RBMS3: variants seen among roughly 807,000 people sequenced by gnomAD.
The protein encoded by RBMS3 is RNA-binding motif, single-stranded-interacting protein 3.
In RBMS3, 27 loss-of-function variants were observed where a neutral mutation model predicts 66.8. That is an observed-to-expected ratio of 0.40 (90% CI 0.30 to 0.56). RBMS3 has a LOEUF of 0.56. Ranked by LOEUF, RBMS3 falls within the 20% of genes least tolerant of loss-of-function variation. RBMS3 has a pLI of 0.40. For missense variants in RBMS3, 513 were observed against 549.5 expected (o/e 0.93, Z 0.66); for synonymous variants, 188 against 183.0 (o/e 1.03, Z -0.22).
intron 1 of RBMS3, among the ~76,000 whole-genome samples, chr3:29,320,522 A>G (rs1313758628): frequency 6.6e-6 from 1 of 152,078 alleles, no homozygotes; most frequent in Non-Finnish European, 1.5e-5. Flanking sequence ...AAAATTTACA[A>G]ACATGACATA....
intron 12 of RBMS3, among the ~76,000 whole-genome samples, chr3:29,954,876 TA>T (rs1293091368): frequency 1.3e-5 from 2 of 152,148 alleles, no homozygotes; most frequent in East Asian, 3.9e-4. Flanking sequence ...GATTAACATT[TA>T]AAAAATTTTA....
intron 4 of RBMS3, among the ~76,000 whole-genome samples, chr3:29,686,010 G>A (rs926119645): frequency 6.6e-6 from 1 of 152,126 alleles, no homozygotes; most frequent in Non-Finnish European, 1.5e-5. Context: ...TTCCCTCTCT[G>A]GATCTTCATT....
At chr3:29,825,275 T>C (rs1027405553) in intron 6 of RBMS3, among the ~76,000 whole-genome samples, 1 of 151,974 alleles carries the variant, frequency 6.6e-6, no homozygotes, top group Non-Finnish European at 1.5e-5. Context: ...GACCTCAGGT[T>C]ATCCACCTGC....
At position 29,652,912 on chromosome 3, in the gene RBMS3, A is replaced by G. The variant is rs567331893; in HGVS notation, c.399+65707A>G. ...TTCAATTTCTTTGGTGTAAACATCC[A>G]AGAAGGTTAGAAGAGACAACTTTTA... is the stretch of plus-strand genomic sequence containing the variant. On this transcript the variant is annotated intron_variant, in intron 4 of 14. Coordinates refer to ENST00000383767, the MANE Select transcript of RBMS3 (RefSeq NM_001003793.3). 5.3e-5 allele frequency among the ~76,000 whole-genome samples: 8 copies of G among 152,292 alleles called. No individual in the cohort carries two copies. In the South Asian group the frequency reaches 1.4e-3, roughly 28 times the overall value.
intron 1 of RBMS3, among the ~76,000 whole-genome samples, chr3:29,357,545 T>G (rs1196760415): frequency 6.6e-6 from 1 of 152,216 alleles, no homozygotes; most frequent in East Asian, 1.9e-4. Context: ...ATGATTTATA[T>G]TCCTTTGGGT....
At chr3:30,000,431 A>G (rs761827281) in intron 14 of RBMS3, among the ~76,000 whole-genome samples, 15 of 152,200 alleles carry the variant, frequency 9.9e-5, no homozygotes, top group Non-Finnish European at 1.9e-4. Flanking sequence ...ATACTTTTAC[A>G]CTGTTGGTGG....
chr3:29,281,791 G>A lies in RBMS3; in HGVS notation c.75+35G>A. On this transcript the variant is annotated intron_variant, in intron 1 of 14. Transcript: ENST00000383767. Reference sequence around the variant, plus strand: ...GACCCACGGTCTGGCGATCAGCGTGGTATCGTTCTGCACTTGGGATGGGAA... The same window carrying A: ...GACCCACGGTCTGGCGATCAGCGTGATATCGTTCTGCACTTGGGATGGGAA... 4 of 1,553,180 alleles carry A rather than the reference G, an allele frequency of 2.6e-6. No individual in the cohort carries two copies. The South Asian group carries it at 4.5e-5, about 17-fold the overall frequency.
chr3:29,636,394 A>T (rs1231141135), intron 4 of RBMS3, among the ~76,000 whole-genome samples: 1 of 151,902 alleles, frequency 6.6e-6, no homozygotes, highest in Non-Finnish European at 1.5e-5. Flanking sequence ...AAGTGCAAAT[A>T]AAAATTTTTC....
intron 1 of RBMS3, among the ~76,000 whole-genome samples, chr3:29,427,483 G>A (rs963120018): frequency 6.6e-6 from 1 of 152,168 alleles, no homozygotes; most frequent in African/African-American, 2.4e-5. Context: ...GAGGTCTGAA[G>A]AATAAAGGTT....
chr3:29,974,056 G>T (rs899980474), intron 12 of RBMS3, among the ~76,000 whole-genome samples: 3 of 151,804 alleles, frequency 2.0e-5, no homozygotes, highest in Admixed American at 6.6e-5. Flanking sequence ...TTCTCAGACT[G>T]CTCCATTCTT....
intron 3 of RBMS3, among the ~76,000 whole-genome samples, chr3:29,586,240 A>T (rs76918509): frequency 0.027 from 4,083 of 152,222 alleles, 102 homozygotes; most frequent in Admixed American, 0.083. Flanking sequence ...CTTGGCAGTT[A>T]ACATTACTGT....
At chr3:29,534,032 T>C (rs2045462106) in intron 3 of RBMS3, among the ~76,000 whole-genome samples, 2 of 152,226 alleles carry the variant, frequency 1.3e-5, no homozygotes, top group Admixed American at 1.3e-4. Flanking sequence ...TTAAACACTG[T>C]GACTCAAATT....
chr3:29,520,881 C>A (rs1368831088), intron 3 of RBMS3, among the ~76,000 whole-genome samples: 1 of 152,046 alleles, frequency 6.6e-6, no homozygotes, highest in African/African-American at 2.4e-5. Flanking sequence ...CAATGAAATA[C>A]CTGCTAAGGT....
chr3:29,972,558 T>C (rs1416024937), intron 12 of RBMS3, among the ~76,000 whole-genome samples: 1 of 138,868 alleles, frequency 7.2e-6, no homozygotes, highest in African/African-American at 3.0e-5. Flanking sequence ...TCTCTGAAAA[T>C]CTCTTGACTA....
intron 4 of RBMS3, among the ~76,000 whole-genome samples, chr3:29,609,515 G>A (rs1027351690): frequency 6.6e-6 from 1 of 151,950 alleles, no homozygotes; most frequent in African/African-American, 2.4e-5. Flanking sequence ...TTTCCAACAG[G>A]TATGGGTGGA....
intron 14 of RBMS3, among the ~76,000 whole-genome samples, chr3:29,999,602 TTTGTAGGGACATGG>T (rs2125398410): frequency 2.0e-5 from 3 of 152,308 alleles, no homozygotes; most frequent in Admixed American, 2.0e-4. Flanking sequence ...GTTCATGTCC[TTTGTAGGGACATGG>T]ATGAAACTGG....
At chr3:29,996,413 C>T (rs367943422) in intron 14 of RBMS3, among the ~76,000 whole-genome samples, 2,779 of 148,864 alleles carry the variant, frequency 0.019, 45 homozygotes, top group Non-Finnish European at 0.031. Context: ...CTGCACCAAG[C>T]GGACCTAATA....
intron 4 of RBMS3, among the ~76,000 whole-genome samples, chr3:29,612,880 C>T (rs1259232442): frequency 6.6e-6 from 1 of 152,042 alleles, no homozygotes; most frequent in African/African-American, 2.4e-5. Context: ...ATTTTCACAA[C>T]CTTAATATGC....
At chr3:29,413,761 C>A (rs2040371281) in intron 1 of RBMS3, among the ~76,000 whole-genome samples, 1 of 151,948 alleles carries the variant, frequency 6.6e-6, no homozygotes, top group African/African-American at 2.4e-5. Context: ...TGTGTAAGGG[C>A]CATTCACAGA....
Sources: gnomAD v4.1 joint callset for allele counts (sites outside exome capture counted in the v4.1 genomes callset) on GRCh38, gnomAD v4.1.1 for gene constraint, MANE v1.5 for transcripts, NCBI Gene and HGNC (gene_info 2026-07-23, HGNC 2026-07-21) for gene names.